The following MBP variants were observed in gnomAD, a reference collection of about 807,000 sequenced individuals.
MBP encodes the protein myelin basic protein.
Under a neutral mutation model 35.8 loss-of-function variants are expected in MBP, and 16 were observed. The ratio of observed to expected loss-of-function variants is 0.45; its 90% confidence interval spans 0.30 to 0.68. The LOEUF (loss-of-function observed/expected upper bound fraction) is 0.68, where lower values mean the gene tolerates loss of function less well. Among genes scored for constraint, MBP ranks in the 30% least tolerant of loss-of-function variants. MBP has a pLI of 0.08. For missense variants in MBP, 380 were observed against 404.7 expected (o/e 0.94, Z 0.52); for synonymous variants, 143 against 159.6 (o/e 0.90, Z 0.78).
rs1302465354 is a variant in MBP at position 77,131,212 on chromosome 18, AC to A, written c.-26+1367del. Among the ~76,000 whole-genome samples the A allele has an allele frequency of 6.6e-6, 1 of 151,898 alleles. No homozygotes were observed. Among genetic ancestry groups the A allele is most frequent in the African/African-American group, 2.4e-5 (1 of 41,336 alleles). On this transcript the variant is annotated intron_variant, in intron 1 of 8. Transcript: ENST00000355994. The surrounding 1 kb of genome is among the most constrained non-coding windows in gnomAD (Gnocchi z 5.5). ...AGCCGTGACCACAGCCCCGGCCCCA[AC>A]CGCTAAGGAGGTGCTCATCACTGGA... is the stretch of plus-strand genomic sequence containing the variant.
rs1568325138 is a variant in MBP at position 77,072,555 on chromosome 18, C to A, written c.52-6170G>T. Among the ~76,000 whole-genome samples, 3 of 152,172 alleles carry A rather than the reference C, an allele frequency of 2.0e-5. 1 individual carries two copies. Among genetic ancestry groups the A allele is most frequent in the Admixed American group, 2.0e-4 (3 of 15,284 alleles). ...TAATCATACTTTTCTATGTGGTCAT[C>A]GTGAAGAGCATTCAATAAGTGGAAA... On this transcript the variant is annotated intron_variant, in intron 2 of 8. Coordinates refer to ENST00000355994, the MANE Select transcript of MBP (RefSeq NM_001025101.2).
chr18:76,997,831 G>A (rs892357354), intron 4 of MBP, among the ~76,000 whole-genome samples: 11 of 152,114 alleles, frequency 7.2e-5, no homozygotes, highest in Non-Finnish European at 1.6e-4. Context: ...TAGAGGCTCC[G>A]CCACCACGCC....
At chr18:77,121,644 T>C (rs1206268493) in intron 1 of MBP, among the ~76,000 whole-genome samples, 3 of 152,256 alleles carry the variant, frequency 2.0e-5, no homozygotes, top group African/African-American at 7.2e-5. Context: ...ATCATCTCCC[T>C]TTAAAACTCA....
chr18:76,979,890 T>A lies in MBP; in HGVS notation c.*537A>T. On this transcript the variant is annotated 3_prime_UTR_variant, in exon 9 of 9. Transcript: ENST00000355994. ...ACATACCAAAAGCTCCCACATGTAG[T>A]AAGCCACTCCTTGACTGTCTAATCC... is the stretch of plus-strand genomic sequence containing the variant. The A allele has an allele frequency of 1.4e-6, 1 of 696,512 alleles. No individual in the cohort carries two copies. Among genetic ancestry groups the A allele is most frequent in the Non-Finnish European group, 2.6e-6 (1 of 382,656 alleles). The allele number at this position is 696,512 out of a possible 1,614,324, so 43.1% of individuals were successfully genotyped here. A position where few individuals can be genotyped will look rare whatever the true frequency, so the allele number is the denominator to read the frequency against.
intron 2 of MBP, among the ~76,000 whole-genome samples, chr18:77,083,116 A>T (rs1471998349): frequency 1.3e-5 from 2 of 152,056 alleles, no homozygotes; most frequent in East Asian, 3.9e-4. Flanking sequence ...TGGGACCACC[A>T]TGCCCTGCTA....
At position 76,988,314 on chromosome 18, in the gene MBP, G is replaced by T. The variant is rs754795377; in HGVS notation, c.750+181C>A. On this transcript the variant is annotated intron_variant, in intron 7 of 8. Coordinates refer to ENST00000355994, the MANE Select transcript of MBP (RefSeq NM_001025101.2). The surrounding 1 kb of genome is among the most constrained non-coding windows in gnomAD (Gnocchi z 5.2). ...AGAGACCAGACCTTCCGGAAGGGAA[G>T]ACCACGTTTCATTTCCCCAGTGGAA... is the stretch of plus-strand genomic sequence containing the variant. 25 of 1,570,690 alleles carry T rather than the reference G, an allele frequency of 1.6e-5. No homozygotes were observed. In the South Asian group the frequency reaches 2.8e-4, roughly 18 times the overall value.
At chr18:77,015,007 T>C (rs1228098662) in intron 4 of MBP, 1 of 984,636 alleles carries the variant, frequency 1.0e-6, no homozygotes, top group Non-Finnish European at 1.2e-6. Context: ...TGCAAAGAGA[T>C]GGACTATTTC....
intron 2 of MBP, among the ~76,000 whole-genome samples, chr18:77,081,794 G>A (rs56285103): frequency 0.057 from 2,775 of 48,432 alleles, 58 homozygotes; most frequent in African/African-American, 0.15. Context: ...ACACACACAC[G>A]TATATATATA....
intron 1 of MBP, chr18:77,109,819 T>G (rs759506208): frequency 6.6e-6 from 1 of 152,212 alleles, no homozygotes; most frequent in Non-Finnish European, 1.5e-5. Flanking sequence ...TAGCAAAACA[T>G]TTGCATTGTG....
rs1973118482 is a variant in MBP at position 77,044,012 on chromosome 18, C to T, written c.139+22286G>A. 2.3e-5 allele frequency among the ~76,000 whole-genome samples: 3 copies of T among 132,724 alleles called. No individual in the cohort carries two copies. The highest frequency in any genetic ancestry group is 5.2e-5 in the Non-Finnish European group (3 of 57,650). The allele number at this position is 132,724 out of a possible 152,430, so 87.1% of individuals were successfully genotyped here. A position where few individuals can be genotyped will look rare whatever the true frequency, so the allele number is the denominator to read the frequency against. Reference sequence around the variant, plus strand: ...GTCTCCTGATTTCTGCGTTTTTGATCCTGAGGCTCTCTGCCTCTCTGCCTC... The same window carrying T: ...GTCTCCTGATTTCTGCGTTTTTGATTCTGAGGCTCTCTGCCTCTCTGCCTC... On this transcript the variant is annotated intron_variant, in intron 3 of 8. Transcript: ENST00000355994. This position sits in a 1 kb window ranked among gnomAD's most constrained non-coding sequence, Gnocchi z 4.4.
chr18:77,114,019 G>C (rs571403331), intron 1 of MBP: 5 of 152,106 alleles, frequency 3.3e-5, no homozygotes, highest in Non-Finnish European at 7.3e-5. Flanking sequence ...TGCAAACAAA[G>C]AGTTCCAAAA....
At chr18:77,017,443 G>A (rs1025355100) in intron 3 of MBP, 175 bp from the exon 4 acceptor site, 4 of 451,792 alleles carry the variant, frequency 8.9e-6, no homozygotes, top group African/African-American at 8.0e-5. Flanking sequence ...CAGCCTTATT[G>A]CAGCTCTGTG....
At chr18:77,077,206 C>CA (rs1974691916) in intron 2 of MBP, among the ~76,000 whole-genome samples, 1 of 151,438 alleles carries the variant, frequency 6.6e-6, no homozygotes, top group Non-Finnish European at 1.5e-5. Context: ...ACTAAAAATA[C>CA]AAAAAATTAG....
intron 1 of MBP, among the ~76,000 whole-genome samples, chr18:77,130,058 AAAG>A (rs1210476564): frequency 1.1e-4 from 17 of 150,790 alleles, no homozygotes; most frequent in African/African-American, 4.2e-4. Context: ...AAAAAAAAAA[AAAG>A]AAAAAGAAAA....
intron 1 of MBP, among the ~76,000 whole-genome samples, chr18:77,122,834 C>T (rs933400477): frequency 2.1e-4 from 32 of 152,188 alleles, no homozygotes; most frequent in African/African-American, 5.3e-4. Context: ...TGAGCCACCG[C>T]GCCCGGCTAG....
At chr18:77,022,445 G>A (rs765401415) in intron 3 of MBP, among the ~76,000 whole-genome samples, 6 of 152,154 alleles carry the variant, frequency 3.9e-5, no homozygotes, top group Non-Finnish European at 8.8e-5. Flanking sequence ...ATGTAAGAAC[G>A]CTAAGCTTTA....
chr18:77,056,704 C>G (rs1973738432), intron 3 of MBP, among the ~76,000 whole-genome samples: 1 of 152,198 alleles, frequency 6.6e-6, no homozygotes. Flanking sequence ...CTGCAATAGT[C>G]TGGGATACGT....
At chr18:77,005,988 G>A (rs1021414907) in intron 4 of MBP, 2 of 152,328 alleles carry the variant, frequency 1.3e-5, no homozygotes, top group Non-Finnish European at 2.9e-5. Context: ...TTTCACAGGA[G>A]AGGGAAGGAA....
chr18:77,037,397 A>C (rs2144598064), intron 3 of MBP, among the ~76,000 whole-genome samples: 1 of 152,366 alleles, frequency 6.6e-6, no homozygotes, highest in East Asian at 1.9e-4. Context: ...GCCAGACTTT[A>C]TCCTCCAGTG....
Sources: gnomAD v4.1 joint callset for allele counts (sites outside exome capture counted in the v4.1 genomes callset) on GRCh38, gnomAD v4.1.1 for gene constraint, Gnocchi (gnomAD v3.1) non-coding constraint, MANE v1.5 for transcripts, NCBI Gene and HGNC (gene_info 2026-07-23, HGNC 2026-07-21) for gene names.